ADGRL1: variants seen among roughly 807,000 people sequenced by gnomAD.
ADGRL1 encodes CIRL-1.
In ADGRL1, 31 loss-of-function variants were observed where a neutral mutation model predicts 148.9. That is an observed-to-expected ratio of 0.21 (90% CI 0.16 to 0.28). The LOEUF (loss-of-function observed/expected upper bound fraction) is 0.28, where lower values mean the gene tolerates loss of function less well. Ranked by LOEUF, ADGRL1 falls within the 10% of genes least tolerant of loss-of-function variation. ADGRL1 has a pLI of 1.00. For synonymous variants in ADGRL1, 937 were observed against 900.3 expected (o/e 1.04, Z -0.73); for missense variants, 1,521 against 2,058.8 (o/e 0.74, Z 5.05).
chr19:14,157,551 G>A lies in ADGRL1; in HGVS notation c.2536-91C>T. ...CAGCCACAGACAGGGCCCTGGGCAA[G>A]GCCATGGGCCGTGAGGACCTCTGGT... On this transcript the variant is annotated intron_variant, in intron 13 of 22. Transcript: ENST00000361434. The surrounding 1 kb of genome is among the most constrained non-coding windows in gnomAD (Gnocchi z 7.5). 1 of 1,334,454 alleles carries A rather than the reference G, an allele frequency of 7.5e-7. No homozygotes were observed. Among genetic ancestry groups the A allele is most frequent in the Non-Finnish European group, 1.1e-6 (1 of 944,688 alleles). The allele number at this position is 1,334,454 out of a possible 1,614,324, so 82.7% of individuals were successfully genotyped here. A position where few individuals can be genotyped will look rare whatever the true frequency, so the allele number is the denominator to read the frequency against.
rs1972809590 is a variant in ADGRL1 at position 14,204,263 on chromosome 19, G to A, written c.-96+1722C>T. Among the ~76,000 whole-genome samples the A allele has an allele frequency of 2.0e-5, 3 of 152,102 alleles. No individual in the cohort carries two copies. In the South Asian group the frequency reaches 6.2e-4, roughly 32 times the overall value. ...CTTTTAAGTAATAAATTTGGCATTA[G>A]TGGGAGGGGAGCAGGGAGGAAGGAG... On this transcript the variant is annotated intron_variant, in intron 1 of 22. Transcript: ENST00000361434.
intron 2 of ADGRL1, among the ~76,000 whole-genome samples, chr19:14,183,218 C>A (rs56280553): frequency 0.25 from 31,018 of 124,104 alleles, 3,348 homozygotes; most frequent in South Asian, 0.34. Flanking sequence ...AGAGAGAGAG[C>A]GAGAGAGAGA....
At chr19:14,169,864 G>A (rs550931888) in intron 4 of ADGRL1, 20 of 152,524 alleles carry the variant, frequency 1.3e-4, no homozygotes, top group African/African-American at 4.8e-4. Context: ...GATGTCAAGG[G>A]TGGGGTGCTG....
chr19:14,150,521 C>T lies in ADGRL1; in HGVS notation c.*352G>A. The stretch of plus-strand genomic sequence containing the variant: ...CCTCCCTGCCCAGGAAACTAAAGCC[C>T]TCATTTCCCTTCACAGGGTAGAAGG... On this transcript the variant is annotated 3_prime_UTR_variant, in exon 23 of 23. Transcript: ENST00000361434. 1 of 249,120 alleles carries T rather than the reference C, an allele frequency of 4.0e-6. No homozygotes were observed. 15.4% of individuals were successfully genotyped at this position (249,120 alleles called of 1,614,324 possible).
In ADGRL1 at chr19:14,161,691, A is replaced by AG. The variant is rs1051958914; in HGVS notation, c.1196-66dup. 2 of 1,154,974 alleles carry AG rather than the reference A, an allele frequency of 1.7e-6. No individual in the cohort carries two copies. Among genetic ancestry groups the AG allele is most frequent in the African/African-American group, 3.2e-5 (2 of 62,338 alleles). 71.5% of individuals were successfully genotyped at this position (1,154,974 alleles called of 1,614,324 possible). A position where few individuals can be genotyped will look rare whatever the true frequency, so the allele number is the denominator to read the frequency against. On this transcript the variant is annotated intron_variant, in intron 5 of 22. Coordinates refer to ENST00000361434, the MANE Select transcript of ADGRL1 (RefSeq NM_014921.5). This position sits in a 1 kb window ranked among gnomAD's most constrained non-coding sequence, Gnocchi z 4.4. ...GGGCCATGCCACAGTGTGCTTGGGC[A>AG]GGGGGTCCCAGGCCATCTTAGCATC...
intron 4 of ADGRL1, 84 bp from the exon 5 acceptor site, chr19:14,163,490 GAGAGA>G: frequency 2.9e-6 from 3 of 1,048,656 alleles, no homozygotes; most frequent in Admixed American, 5.4e-5. Context: ...GAGAGAGAGA[GAGAGA>G]GAGGGGGGAG....
chr19:14,190,594 C>T (rs1460624852), intron 1 of ADGRL1, among the ~76,000 whole-genome samples: 1 of 152,162 alleles, frequency 6.6e-6, no homozygotes, highest in African/African-American at 2.4e-5. Context: ...AAGCTGAAAG[C>T]TTGTACCCTT....
chr19:14,187,608 A>G (rs1413410309), intron 1 of ADGRL1, among the ~76,000 whole-genome samples: 1 of 30,536 alleles, frequency 3.3e-5, no homozygotes, highest in Non-Finnish European at 7.1e-5. Context: ...GTCTCCCCCC[A>G]CATCCCTGAC....
In ADGRL1 at chr19:14,150,811, A is replaced by G; in HGVS notation, c.*62T>C. 1.3e-6 allele frequency: 2 copies of G among 1,567,206 alleles called. No individual in the cohort carries two copies. The highest frequency in any genetic ancestry group is 8.6e-7 in the Non-Finnish European group (1 of 1,158,902). ...CCTCCATCTGTCTCCCTCTCCCACC[A>G]GAGCCCTGCCCAGGGTTCCCTCCCT... On this transcript the variant is annotated 3_prime_UTR_variant, in exon 23 of 23. Coordinates refer to ENST00000361434, the MANE Select transcript of ADGRL1 (RefSeq NM_014921.5).
In ADGRL1 at chr19:14,151,193, C is replaced by T. The variant is rs775108815; in HGVS notation, c.4090G>A (p.Gly1364Ser). The T allele has an allele frequency of 1.2e-5, 20 of 1,610,736 alleles. No homozygotes were observed. The highest frequency in any genetic ancestry group is 1.7e-4 in the Middle Eastern group (1 of 5,816). The change falls in exon 23 of 23, where the codon GGC becomes AGC. Residue 1364 changes from glycine to serine, a missense_variant. Transcript: ENST00000361434. ...DESESCTAED[G>S]ATSRPLSSPP... The stretch of plus-strand genomic sequence containing the variant: ...GAGGAGAGGGGCCGGCTGGTGGCGC[C>T]GTCCTCGGCCGTGCAGCTCTCCGAC...
intron 1 of ADGRL1, among the ~76,000 whole-genome samples, chr19:14,192,619 C>T (rs1430768002): frequency 1.3e-5 from 2 of 152,078 alleles, no homozygotes; most frequent in South Asian, 2.1e-4. Flanking sequence ...TGGCTCACTG[C>T]AACCTCCGCC....
Position 14,157,053 on chromosome 19 carries a change from T to C in ADGRL1, c.2838A>G (p.Leu946=). Residue 946 remains leucine (L), a synonymous_variant, in exon 15 of 23, where the codon CTA becomes CTG. Transcript: ENST00000361434. The surrounding 1 kb of genome is among the most constrained non-coding windows in gnomAD (Gnocchi z 7.5). The stretch of plus-strand genomic sequence containing the variant: ...ACTCGCTCTCAAACACCTCCACTAG[T>C]AGCAGGTAGAGGTGCACGCCCTCCA... ...LCLEGVHLYL[L]LVEVFESEYS... The C allele has an allele frequency of 6.2e-7, 1 of 1,613,792 alleles. No homozygotes were observed. The highest frequency in any genetic ancestry group is 8.5e-7 in the Non-Finnish European group (1 of 1,179,870).
chr19:14,202,110 C>A (rs1227520890), intron 1 of ADGRL1, among the ~76,000 whole-genome samples: 3 of 151,970 alleles, frequency 2.0e-5, no homozygotes, highest in Admixed American at 2.0e-4. Context: ...AGGAGATGGC[C>A]CAGAAAGACC....
rs1971374655 is a variant in ADGRL1 at position 14,183,605 on chromosome 19, TG to T, written c.-4del. Reference sequence around the variant, plus strand: ...AGCACTGCGGCTAGGCGGGCCATGGTGGCAGCCGGGTGCGTGTCCGGAGCTC... The same window carrying T: ...AGCACTGCGGCTAGGCGGGCCATGGTGCAGCCGGGTGCGTGTCCGGAGCTC... On this transcript the variant is annotated 5_prime_UTR_variant, in exon 2 of 23. Transcript: ENST00000361434. The T allele has an allele frequency of 2.5e-6, 4 of 1,571,674 alleles. No individual in the cohort carries two copies. Among genetic ancestry groups the T allele is most frequent in the East Asian group, 2.3e-5 (1 of 42,564 alleles).
intron 3 of ADGRL1, among the ~76,000 whole-genome samples, chr19:14,173,252 C>A (rs964881100): frequency 2.3e-4 from 35 of 152,148 alleles, no homozygotes; most frequent in Admixed American, 1.4e-3. Flanking sequence ...TGAGCCATCA[C>A]ACCCAGCCTA....
At position 14,152,091 on chromosome 19, in the gene ADGRL1, C is replaced by T; in HGVS notation, c.3667+42G>A. The T allele has an allele frequency of 6.3e-7, 1 of 1,588,068 alleles. No individual in the cohort carries two copies. The highest frequency in any genetic ancestry group is 8.6e-7 in the Non-Finnish European group (1 of 1,156,218). On this transcript the variant is annotated intron_variant, in intron 22 of 22. Transcript: ENST00000361434. This position sits in a 1 kb window ranked among gnomAD's most constrained non-coding sequence, Gnocchi z 6.1. The stretch of plus-strand genomic sequence containing the variant: ...TCTGAGAAGGCCACTGTCTGTCCCT[C>T]TCCCAGCCTCAGAAACATCCCCAGG...
In ADGRL1 at chr19:14,162,126, T is replaced by C. The variant is rs746374654; in HGVS notation, c.1195+480A>G. Among the ~76,000 whole-genome samples, 18 of 152,170 alleles carry C rather than the reference T, an allele frequency of 1.2e-4. No homozygotes were observed. The highest frequency in any genetic ancestry group is 2.4e-4 in the Non-Finnish European group (16 of 68,014). The stretch of plus-strand genomic sequence containing the variant: ...GGTTAGATCGGGCTCCCTGGAGCCC[T>C]GGGGTGGCACAGAGCTAGCAGGGCA... On this transcript the variant is annotated intron_variant, in intron 5 of 22. Coordinates refer to ENST00000361434, the MANE Select transcript of ADGRL1 (RefSeq NM_014921.5). This position sits in a 1 kb window ranked among gnomAD's most constrained non-coding sequence, Gnocchi z 5.4.
At chr19:14,164,128 C>T (rs763151451) in intron 4 of ADGRL1, among the ~76,000 whole-genome samples, 6 of 151,796 alleles carry the variant, frequency 4.0e-5, no homozygotes, top group Admixed American at 2.6e-4. Context: ...AGTCAGTAGC[C>T]GAGGAAGGGA....
Position 14,152,717 on chromosome 19 carries a change from C to A in ADGRL1, c.3423+67G>T. ...ATCACGATCAGAAACCTAGGCCAAGCCACTCCCCACCTCTCAGGCTCCAGG... is the reference window on the plus strand; with the variant it reads ...ATCACGATCAGAAACCTAGGCCAAGACACTCCCCACCTCTCAGGCTCCAGG... On this transcript the variant is annotated intron_variant, in intron 19 of 22. Coordinates refer to ENST00000361434, the MANE Select transcript of ADGRL1 (RefSeq NM_014921.5). This position sits in a 1 kb window ranked among gnomAD's most constrained non-coding sequence, Gnocchi z 6.1. 1.2e-6 allele frequency: 2 copies of A among 1,600,512 alleles called. No homozygotes were observed. Among genetic ancestry groups the A allele is most frequent in the South Asian group, 1.1e-5 (1 of 89,944 alleles).
Sources: gnomAD v4.1 joint callset for allele counts (sites outside exome capture counted in the v4.1 genomes callset) on GRCh38, gnomAD v4.1.1 for gene constraint, Gnocchi (gnomAD v3.1) non-coding constraint, MANE v1.5 for transcripts, NCBI Gene and HGNC (gene_info 2026-07-23, HGNC 2026-07-21) for gene names.